Variants in DNAH14 observed in about 807,000 individuals in gnomAD.
The protein encoded by DNAH14 is dynein axonemal heavy chain 14.
In DNAH14, 478 loss-of-function variants were observed where a neutral mutation model predicts 520.9. The ratio of observed to expected loss-of-function variants is 0.92; its 90% confidence interval spans 0.85 to 0.99. The LOEUF (loss-of-function observed/expected upper bound fraction) is 0.99. Ranked by LOEUF, DNAH14 falls within the 50% of genes least tolerant of loss-of-function variation. The probability of loss-of-function intolerance (pLI) is 0.00; values close to 1 mark genes in which losing one functional copy is unlikely to be tolerated. For synonymous variants in DNAH14, 1,581 were observed against 1,757.2 expected (o/e 0.90, Z 2.51); for missense variants, 4,831 against 5,234.5 (o/e 0.92, Z 2.38).
intron 64 of DNAH14, among the ~76,000 whole-genome samples, chr1:225,329,714 G>A (rs1038917207): frequency 2.6e-5 from 4 of 152,000 alleles, no homozygotes; most frequent in African/African-American, 9.7e-5. Context: ...GAAAACATTG[G>A]GGAAAATCTC....
chr1:224,962,540 C>T (rs905274316), intron 4 of DNAH14, among the ~76,000 whole-genome samples: 2 of 152,080 alleles, frequency 1.3e-5, no homozygotes, highest in Non-Finnish European at 2.9e-5. Context: ...CATAAGGAAA[C>T]GAATTCCACC....
intron 55 of DNAH14, among the ~76,000 whole-genome samples, chr1:225,291,522 TCCTC>T (rs2093890089): frequency 6.6e-6 from 1 of 152,088 alleles, no homozygotes; most frequent in African/African-American, 2.4e-5. Context: ...GCTCAAGTGA[TCCTC>T]CCACCTTAGC....
Position 225,340,492 on chromosome 1 carries a change from T to G in DNAH14, c.10469T>G (p.Phe3490Cys), listed in dbSNP as rs2095157504. The G allele has an allele frequency of 3.2e-6, 5 of 1,551,178 alleles. No homozygotes were observed. The highest frequency in any genetic ancestry group is 4.4e-6 in the Non-Finnish European group (5 of 1,146,690). ...YLSTEIDNPH[F>C]LPSVYNFVTM... ...TCTACAGAAATAGACAACCCCCATT[T>G]TCTTCCATCAGTTTATAACTTTGTT... The change falls in exon 69 of 86, where the codon TTT becomes TGT. Residue 3490 changes from phenylalanine (F) to cysteine (C), a missense_variant. Coordinates refer to ENST00000682510, the MANE Select transcript of DNAH14 (RefSeq NM_001367479.1).
chr1:225,335,245 T>TACACGTGTACAC (rs2094916172), intron 66 of DNAH14, among the ~76,000 whole-genome samples: 1 of 118,910 alleles, frequency 8.4e-6, no homozygotes, highest in South Asian at 3.0e-4. Context: ...ATGTGTACAT[T>TACACGTGTACAC]GTGTGTATAT....
intron 1 of DNAH14, among the ~76,000 whole-genome samples, chr1:224,939,973 T>C (rs534062579): frequency 1.8e-4 from 28 of 152,196 alleles, no homozygotes; most frequent in Non-Finnish European, 4.1e-4. Context: ...CCTTAAACTC[T>C]AGTAGCTTCA....
intron 10 of DNAH14, among the ~76,000 whole-genome samples, chr1:225,011,766 T>C (rs2064774970): frequency 1.9e-4 from 1 of 5,234 alleles, no homozygotes; most frequent in African/African-American, 2.2e-4. Context: ...TGCTTTTTTT[T>C]TTTTTTTTTT....
At chr1:225,335,356 TATACACGTGTACA>T (rs2094932514) in intron 66 of DNAH14, among the ~76,000 whole-genome samples, 1 of 61,790 alleles carries the variant, frequency 1.6e-5, no homozygotes, top group Non-Finnish European at 3.1e-5. Context: ...TGTATATGCA[TATACACGTGTACA>T]TGTGTGTGTA....
intron 71 of DNAH14, among the ~76,000 whole-genome samples, chr1:225,347,405 C>G (rs2095302642): frequency 6.6e-6 from 1 of 152,134 alleles, no homozygotes; most frequent in African/African-American, 2.4e-5. Context: ...ATTCATGCCT[C>G]CCCCTCTTTG....
intron 41 of DNAH14, among the ~76,000 whole-genome samples, chr1:225,215,421 G>C (rs1574050352): frequency 6.6e-6 from 1 of 152,136 alleles, no homozygotes; most frequent in African/African-American, 2.4e-5. Context: ...TTTCTATGAG[G>C]CCTGCTTGGT....
chr1:225,331,373 C>T (rs996462653), intron 64 of DNAH14, 64 bp from the exon 65 acceptor site: 1 of 1,482,426 alleles, frequency 6.7e-7, no homozygotes, highest in Admixed American at 2.2e-5. Flanking sequence ...TAAATGACAG[C>T]TAAAGTCTTG....
chr1:225,231,572 G>A (rs971668531), intron 42 of DNAH14, among the ~76,000 whole-genome samples: 1 of 152,114 alleles, frequency 6.6e-6, no homozygotes, highest in Admixed American at 6.5e-5. Flanking sequence ...TAAGAGCAAT[G>A]TAAATTATTA....
chr1:225,215,839 CTCTT>C (rs1449588658), intron 41 of DNAH14, among the ~76,000 whole-genome samples: 1 of 152,168 alleles, frequency 6.6e-6, no homozygotes, highest in African/African-American at 2.4e-5. Flanking sequence ...TGGGTCTTGA[CTCTT>C]TATCCAATTT....
Position 225,310,825 on chromosome 1 carries a change from A to G in DNAH14, c.9240+2415A>G, listed in dbSNP as rs570360371. On this transcript the variant is annotated intron_variant, in intron 60 of 85. Coordinates refer to ENST00000682510, the MANE Select transcript of DNAH14 (RefSeq NM_001367479.1). Reference sequence around the variant, plus strand: ...GTATTCCATGGTGTATATGTGCCACATTTTCTTAATCCAGTCTATCACTGA... The same window carrying G: ...GTATTCCATGGTGTATATGTGCCACGTTTTCTTAATCCAGTCTATCACTGA... Among the ~76,000 whole-genome samples the G allele has an allele frequency of 8.6e-5, 13 of 152,026 alleles. No individual in the cohort carries two copies. In the South Asian group the frequency reaches 1.5e-3, roughly 17 times the overall value.
intron 26 of DNAH14, among the ~76,000 whole-genome samples, chr1:225,121,645 A>C (rs2077293763): frequency 6.6e-6 from 1 of 152,086 alleles, no homozygotes. Context: ...GTTTGAGACC[A>C]GCCTGGCCAA....
intron 10 of DNAH14, among the ~76,000 whole-genome samples, chr1:225,014,203 C>T (rs1445671337): frequency 2.6e-5 from 4 of 152,130 alleles, no homozygotes; most frequent in Non-Finnish European, 4.4e-5. Flanking sequence ...CTTTGGCTAG[C>T]GGAGGGAGTT....
intron 54 of DNAH14, among the ~76,000 whole-genome samples, chr1:225,279,045 A>G (rs2093563934): frequency 6.6e-6 from 1 of 152,114 alleles, no homozygotes. Context: ...TACTCAGGCT[A>G]GAGTGCAGTG....
chr1:224,929,905 C>G, intron 1 of DNAH14, 70 bp downstream of exon 1: 4 of 596,510 alleles, frequency 6.7e-6, no homozygotes, highest in Non-Finnish European at 1.2e-5. Flanking sequence ...GTGGGGCAGC[C>G]GGTGTCGCAC....
chr1:225,281,105 T>C (rs2093618731), intron 54 of DNAH14, among the ~76,000 whole-genome samples: 1 of 152,192 alleles, frequency 6.6e-6, no homozygotes, highest in Non-Finnish European at 1.5e-5. Flanking sequence ...ATTGCAAATA[T>C]GGCAACTTAA....
At chr1:224,988,762 C>T (rs2062830660) in intron 8 of DNAH14, among the ~76,000 whole-genome samples, 1 of 152,234 alleles carries the variant, frequency 6.6e-6, no homozygotes, top group Non-Finnish European at 1.5e-5. Flanking sequence ...CCTCCCACCT[C>T]AGCTTCCCAA....
Sources: gnomAD v4.1 joint callset for allele counts (sites outside exome capture counted in the v4.1 genomes callset) on GRCh38, gnomAD v4.1.1 for gene constraint, MANE v1.5 for transcripts, NCBI Gene and HGNC (gene_info 2026-07-23, HGNC 2026-07-21) for gene names.